The following RAPGEF6 variants were observed in gnomAD, a reference collection of about 807,000 sequenced individuals.
RAPGEF6 encodes PDZ domain containing guanine nucleotide exchange factor (GEF) 2.
Under a neutral mutation model 171.4 loss-of-function variants are expected in RAPGEF6, and 56 were observed. That is an observed-to-expected ratio of 0.33 (90% CI 0.26 to 0.41). The LOEUF (loss-of-function observed/expected upper bound fraction) is 0.41, where lower values mean the gene tolerates loss of function less well. Among genes scored for constraint, RAPGEF6 ranks in the 10% least tolerant of loss-of-function variants. The pLI is 1.00. For synonymous variants in RAPGEF6, 692 were observed against 650.1 expected, an observed-to-expected ratio of 1.06 and a Z score of -0.98; for missense variants, 1,674 against 1,921.4, an observed-to-expected ratio of 0.87 and a Z score of 2.41.
intron 1 of RAPGEF6, among the ~76,000 whole-genome samples, chr5:131,605,711 T>C (rs969045252): frequency 6.6e-6 from 1 of 151,856 alleles, no homozygotes; most frequent in Non-Finnish European, 1.5e-5. Flanking sequence ...AGTAGGTTAA[T>C]AAGACAACAC....
At chr5:131,578,897 C>T (rs1225143191) in intron 4 of RAPGEF6, among the ~76,000 whole-genome samples, 1 of 152,208 alleles carries the variant, frequency 6.6e-6, no homozygotes, top group Non-Finnish European at 1.5e-5. Flanking sequence ...TGCCCAGCAC[C>T]TCCTCTTGCT....
intron 4 of RAPGEF6, among the ~76,000 whole-genome samples, chr5:131,588,427 A>G (rs1177113035): frequency 6.6e-6 from 1 of 152,196 alleles, no homozygotes. Flanking sequence ...TGCCATGCCC[A>G]CTATTAAAGA....
chr5:131,467,071 G>A (rs1754405169), intron 17 of RAPGEF6, among the ~76,000 whole-genome samples: 1 of 152,148 alleles, frequency 6.6e-6, no homozygotes, highest in Non-Finnish European at 1.5e-5. Flanking sequence ...ATGGGGAGAT[G>A]TTCTGATACC....
At chr5:131,448,308 TA>T (rs574028524) in intron 21 of RAPGEF6, among the ~76,000 whole-genome samples, 193 of 152,326 alleles carry the variant, frequency 1.3e-3, no homozygotes, top group African/African-American at 4.5e-3. Context: ...ACTTTGCTTA[TA>T]TTTTCCTTTT....
At chr5:131,436,264 G>A (rs777103693) in intron 24 of RAPGEF6, 6 of 1,537,502 alleles carry the variant, frequency 3.9e-6, no homozygotes, top group Admixed American at 3.9e-5. Flanking sequence ...AGTACTGTCT[G>A]TTCTTTTGGC....
chr5:131,527,278 G>A (rs967751037), intron 6 of RAPGEF6, among the ~76,000 whole-genome samples: 4 of 150,754 alleles, frequency 2.7e-5, no homozygotes, highest in Non-Finnish European at 5.9e-5. Flanking sequence ...ACAACAGCAG[G>A]AAAAAAACAA....
At position 131,429,223 on chromosome 5, in the gene RAPGEF6, T is replaced by A; in HGVS notation, c.4466-7A>T. ...GGTGAGGTGACACAGTACACTGGCA[T>A]GAAAAATAAGCAATGAAAATGTTAA... is the stretch of plus-strand genomic sequence containing the variant. On this transcript the variant is annotated splice_polypyrimidine_tract_variant and splice_region_variant and intron_variant, in intron 26 of 27. Transcript: ENST00000509018. The A allele has an allele frequency of 6.5e-7, 1 of 1,530,536 alleles. No individual in the cohort carries two copies. The highest frequency in any genetic ancestry group is 8.8e-7 in the Non-Finnish European group (1 of 1,132,524). 94.8% of individuals were successfully genotyped at this position (1,530,536 alleles called of 1,614,324 possible). A position where few individuals can be genotyped will look rare whatever the true frequency, so the allele number is the denominator to read the frequency against.
chr5:131,541,811 A>G (rs1262947437), intron 6 of RAPGEF6, among the ~76,000 whole-genome samples: 3 of 152,250 alleles, frequency 2.0e-5, no homozygotes, highest in African/African-American at 7.2e-5. Flanking sequence ...TTAAAGGGTA[A>G]GATAATAGTA....
Position 131,554,004 on chromosome 5 carries a change from CAA to C in RAPGEF6, c.352-5816_352-5815del, listed in dbSNP as rs142780634. Among the ~76,000 whole-genome samples the C allele has an allele frequency of 4.7e-3, 710 of 150,196 alleles. 4 individuals are homozygous for C. The highest frequency in any genetic ancestry group is 0.016 in the African/African-American group (643 of 40,990). ...GATGCCCAAAGCAGTCCAAAAAATCCAAAAGAGGATAATGAAAAACTACGATA... is the reference window on the plus strand; with the variant it reads ...GATGCCCAAAGCAGTCCAAAAAATCCAAGAGGATAATGAAAAACTACGATA... On this transcript the variant is annotated intron_variant, in intron 5 of 27. Coordinates refer to ENST00000509018, the MANE Select transcript of RAPGEF6 (RefSeq NM_016340.6).
intron 6 of RAPGEF6, 68 bp downstream of exon 6, chr5:131,547,979 C>T: frequency 6.6e-7 from 1 of 1,518,866 alleles, no homozygotes; most frequent in Non-Finnish European, 9.0e-7. Context: ...ACCAAAGATA[C>T]ATGTAAATTA....
At chr5:131,580,625 T>C (rs1269297273) in intron 4 of RAPGEF6, among the ~76,000 whole-genome samples, 1 of 152,196 alleles carries the variant, frequency 6.6e-6, no homozygotes, top group Non-Finnish European at 1.5e-5. Context: ...CACTATGTGT[T>C]TTCTCATACA....
chr5:131,481,071 A>G (rs1250690760), intron 15 of RAPGEF6, among the ~76,000 whole-genome samples: 1 of 151,812 alleles, frequency 6.6e-6, no homozygotes, highest in African/African-American at 2.4e-5. Context: ...GATTACAGAC[A>G]TGCATCACCA....
rs759128052 is a variant in RAPGEF6, at chr5:131,498,407, G to C, written c.1419+36C>G. 20 of 1,540,032 alleles carry C rather than the reference G, an allele frequency of 1.3e-5. No individual in the cohort carries two copies. In the African/African-American group the frequency reaches 2.7e-4, roughly 20 times the overall value. On this transcript the variant is annotated intron_variant, in intron 12 of 27. Coordinates refer to ENST00000509018, the MANE Select transcript of RAPGEF6 (RefSeq NM_016340.6). The stretch of plus-strand genomic sequence containing the variant: ...TAAAAGTTTCATGAATAAAATTTTG[G>C]GTTAAAATCACTTTCATGCCCCTTA...
chr5:131,431,483 AAAC>A, intron 25 of RAPGEF6, 134 bp from the exon 26 acceptor site: 1 of 910,262 alleles, frequency 1.1e-6, no homozygotes, highest in Non-Finnish European at 1.6e-6. Flanking sequence ...ATCGTGAGGA[AAAC>A]AATATTATCA....
chr5:131,445,288 C>T (rs895057782), intron 22 of RAPGEF6, among the ~76,000 whole-genome samples: 7 of 152,134 alleles, frequency 4.6e-5, no homozygotes, highest in African/African-American at 1.7e-4. Flanking sequence ...ATTGTCAAAA[C>T]TGAATTTTTA....
intron 6 of RAPGEF6, among the ~76,000 whole-genome samples, chr5:131,546,075 T>C (rs558190763): frequency 6.6e-6 from 1 of 152,114 alleles, no homozygotes; most frequent in South Asian, 2.1e-4. Flanking sequence ...CCACAGCTAA[T>C]AGAGAAAATA....
intron 15 of RAPGEF6, among the ~76,000 whole-genome samples, chr5:131,487,952 T>G (rs1756032390): frequency 6.6e-6 from 1 of 152,106 alleles, no homozygotes; most frequent in South Asian, 2.1e-4. Flanking sequence ...AAATTAAAAT[T>G]CCAGAATAGA....
chr5:131,449,895 T>C (rs1472332064), intron 21 of RAPGEF6: 1 of 1,047,330 alleles, frequency 9.5e-7, no homozygotes, highest in Non-Finnish European at 1.4e-6. Flanking sequence ...AAGGCATTTG[T>C]CAGGAATGTA....
chr5:131,490,069 T>C (rs1240403045), intron 14 of RAPGEF6, among the ~76,000 whole-genome samples: 1 of 152,198 alleles, frequency 6.6e-6, no homozygotes, highest in African/African-American at 2.4e-5. Context: ...GGGAGTACTC[T>C]AAATATATTT....
Sources: allele counts gnomAD v4.1 joint callset (sites outside exome capture counted in the v4.1 genomes callset), GRCh38; gene constraint gnomAD v4.1.1; transcripts MANE v1.5; gene names NCBI Gene and HGNC (gene_info 2026-07-23, HGNC 2026-07-21).